DNAH12: variants seen among roughly 807,000 people sequenced by gnomAD.
DNAH12 encodes dynein axonemal heavy chain 12.
A neutral mutation model predicts 371.5 loss-of-function variants in DNAH12; 285 were observed. The observed-to-expected ratio is 0.77, with a 90% confidence interval of 0.70 to 0.85. The LOEUF (loss-of-function observed/expected upper bound fraction) is 0.85, where lower values mean the gene tolerates loss of function less well. Ranked by LOEUF, DNAH12 falls within the 40% of genes least tolerant of loss-of-function variation. The pLI is 0.00. For missense variants in DNAH12, 3,611 were observed against 3,689.4 expected (o/e 0.98, Z 0.55); for synonymous variants, 1,200 against 1,213.0 (o/e 0.99, Z 0.22).
Position 57,445,365 on chromosome 3 carries a change from T to A in DNAH12, c.4234A>T (p.Ile1412Phe). 1 of 1,551,334 alleles carries A rather than the reference T, an allele frequency of 6.4e-7. No individual in the cohort carries two copies. The highest frequency in any genetic ancestry group is 8.7e-7 in the Non-Finnish European group (1 of 1,146,900). ...AAAAATCCGTAAGAGTAGAGGGAGA[T>A]TTCTGCTATAAGCGCATAGTTTGGA... is the stretch of plus-strand genomic sequence containing the variant. ...MVPNYALIAEISLYSYGFLNA... is the reference protein window; with the variant it reads ...MVPNYALIAEFSLYSYGFLNA... The change falls in exon 28 of 74, where the codon ATC becomes TTC. Residue 1412 changes from isoleucine (I) to phenylalanine (F), a missense_variant. This residue lies in a region of DNAH12 where 2,266 missense variants were observed against 2,236.9 expected (regional missense o/e 1.01). Transcript: ENST00000495027.
At chr3:57,331,868 C>G (rs1354383938) in intron 62 of DNAH12, among the ~76,000 whole-genome samples, 1 of 152,076 alleles carries the variant, frequency 6.6e-6, no homozygotes, top group Non-Finnish European at 1.5e-5. Flanking sequence ...TACATCTGAT[C>G]GCCCTCCATA....
chr3:57,467,048 C>A (rs185025153), intron 17 of DNAH12, among the ~76,000 whole-genome samples: 10 of 152,086 alleles, frequency 6.6e-5, no homozygotes, highest in African/African-American at 2.4e-4. Flanking sequence ...AGGTGTCATC[C>A]GCTATACCCA....
intron 68 of DNAH12, 135 bp downstream of exon 68, chr3:57,309,531 G>T: frequency 2.3e-6 from 2 of 871,854 alleles, no homozygotes; most frequent in Non-Finnish European, 1.6e-6. Context: ...ACCATTTAAC[G>T]GATTTGGAGG....
At chr3:57,473,200 G>C (rs1050752313) in intron 13 of DNAH12, among the ~76,000 whole-genome samples, 6 of 151,952 alleles carry the variant, frequency 3.9e-5, no homozygotes, top group Admixed American at 3.3e-4. Flanking sequence ...AGTTGAAGGT[G>C]AGTTGGCCAG....
chr3:57,309,331 T>C, intron 68 of DNAH12, 77 bp from the exon 69 acceptor site: 2 of 1,121,124 alleles, frequency 1.8e-6, no homozygotes, highest in Middle Eastern at 2.7e-4. Flanking sequence ...TATATAATAA[T>C]AGCTAATACT....
At chr3:57,396,290 C>CAAAA (rs1159748997) in intron 43 of DNAH12, among the ~76,000 whole-genome samples, 176 of 68,708 alleles carry the variant, frequency 2.6e-3, no homozygotes, top group East Asian at 7.0e-3. Context: ...AAAAAAAAAA[C>CAAAA]AAAAAAAAAA....
chr3:57,518,280 T>G (rs1399161254), intron 4 of DNAH12, among the ~76,000 whole-genome samples: 1 of 152,152 alleles, frequency 6.6e-6, no homozygotes, highest in Non-Finnish European at 1.5e-5. Flanking sequence ...ACCCCAGCAC[T>G]TTGGGAAGCT....
chr3:57,445,040 A>G, intron 28 of DNAH12, 134 bp downstream of exon 28: 1 of 1,200,856 alleles, frequency 8.3e-7, no homozygotes, highest in South Asian at 1.7e-5. Context: ...TAACCCAAAA[A>G]ACCATCATTT....
intron 2 of DNAH12, among the ~76,000 whole-genome samples, chr3:57,524,773 A>G (rs972505853): frequency 2.0e-5 from 3 of 152,128 alleles, no homozygotes; most frequent in Admixed American, 6.6e-5. Context: ...GACCCCAAGA[A>G]ACAGGAAGGC....
chr3:57,367,237 G>C (rs1349664184), intron 56 of DNAH12, among the ~76,000 whole-genome samples: 1 of 152,134 alleles, frequency 6.6e-6, no homozygotes, highest in Non-Finnish European at 1.5e-5. Context: ...TGGAGGCTAA[G>C]GAACAAGAAT....
intron 13 of DNAH12, among the ~76,000 whole-genome samples, chr3:57,479,787 AC>A (rs1389519344): frequency 2.6e-5 from 4 of 152,328 alleles, no homozygotes; most frequent in African/African-American, 9.6e-5. Context: ...CCACTCAACT[AC>A]ATGGAAACTG....
intron 4 of DNAH12, chr3:57,520,040 T>C: frequency 2.9e-6 from 2 of 678,592 alleles, no homozygotes; most frequent in Non-Finnish European, 5.1e-6. Context: ...TGGCCGACGT[T>C]GGGTTGGGGA....
intron 11 of DNAH12, among the ~76,000 whole-genome samples, chr3:57,499,647 A>AAAAAAAAAAAAAATATATATATATATAT (rs1451248906): frequency 5.6e-5 from 1 of 17,946 alleles, no homozygotes; most frequent in Non-Finnish European, 1.2e-4. Context: ...AAAAAAAAAA[A>AAAAAAAAAAAAAATATATATATATATAT]ATATATATAT....
At chr3:57,434,642 G>A (rs2065063802) in intron 30 of DNAH12, among the ~76,000 whole-genome samples, 1 of 152,118 alleles carries the variant, frequency 6.6e-6, no homozygotes, top group African/African-American at 2.4e-5. Context: ...AGGCCAGATT[G>A]TGAGTGACAA....
At chr3:57,483,329 A>G in intron 13 of DNAH12, 47 bp downstream of exon 13, 1 of 1,527,200 alleles carries the variant, frequency 6.5e-7, no homozygotes, top group Non-Finnish European at 8.8e-7. Context: ...TGAAAATAAT[A>G]TTTCACAATG....
chr3:57,294,125 A>T (rs1258954384), intron 73 of DNAH12, among the ~76,000 whole-genome samples, 154 bp from the exon 74 acceptor site: 2 of 152,058 alleles, frequency 1.3e-5, no homozygotes, highest in South Asian at 2.1e-4. Flanking sequence ...ATTTTTTTAC[A>T]GTACATATAG....
intron 12 of DNAH12, 70 bp downstream of exon 12, chr3:57,489,439 A>G (rs1354705299): frequency 7.2e-7 from 1 of 1,397,390 alleles, no homozygotes; most frequent in Admixed American, 3.5e-5. Flanking sequence ...TTGTTTTTAA[A>G]CAAGAGTTAC....
intron 57 of DNAH12, among the ~76,000 whole-genome samples, chr3:57,364,776 GACAA>G (rs1274426849): frequency 4.6e-5 from 7 of 151,608 alleles, no homozygotes; most frequent in Non-Finnish European, 1.0e-4. Context: ...TACAAGAAAA[GACAA>G]ACAACCCCAT....
chr3:57,501,171 C>G (rs1426357323), intron 11 of DNAH12, 150 bp downstream of exon 11: 1 of 612,370 alleles, frequency 1.6e-6, no homozygotes, highest in Non-Finnish European at 2.7e-6. Flanking sequence ...AAATGAATGA[C>G]TAAAGAAATT....
Sources: gnomAD v4.1 joint callset for allele counts (sites outside exome capture counted in the v4.1 genomes callset) on GRCh38, gnomAD v4.1.1 for gene constraint, gnomAD v4.1.1 regional missense constraint, MANE v1.5 for transcripts, NCBI Gene and HGNC (gene_info 2026-07-23, HGNC 2026-07-21) for gene names.